The following ZNF385B variants were observed in gnomAD, a reference collection of about 807,000 sequenced individuals.
ZNF385B encodes zinc finger protein 533.
In ZNF385B, 23 loss-of-function variants were observed where a neutral mutation model predicts 39.2. The observed-to-expected ratio is 0.59, with a 90% CI of 0.42 to 0.83. The LOEUF is 0.83. ZNF385B is among the 40% of genes least tolerant of loss of function. ZNF385B has a pLI of 0.00. For missense variants in ZNF385B, 552 were observed against 598.9 expected, an observed-to-expected ratio of 0.92 and a Z score of 0.82; for synonymous variants, 205 against 222.6, an observed-to-expected ratio of 0.92 and a Z score of 0.70.
At chr2:179,789,413 C>A (rs1166990321) in intron 1 of ZNF385B, among the ~76,000 whole-genome samples, 2 of 152,084 alleles carry the variant, frequency 1.3e-5, no homozygotes, top group Non-Finnish European at 2.9e-5. Context: ...AGACTGTAGA[C>A]CAATTTCATG....
chr2:179,526,515 A>C (rs184186914), intron 4 of ZNF385B, among the ~76,000 whole-genome samples: 2,582 of 152,132 alleles, frequency 0.017, 68 homozygotes, highest in African/African-American at 0.059. Context: ...GAATCGCTTG[A>C]ACCCAGGAGG....
At position 179,586,813 on chromosome 2, in the gene ZNF385B, C is replaced by T. The variant is rs368009717; in HGVS notation, c.299-41844G>A. Among the ~76,000 whole-genome samples, 468 of 152,116 alleles carry T rather than the reference C, an allele frequency of 3.1e-3. 4 individuals carry two copies. The highest frequency in any genetic ancestry group is 0.011 in the African/African-American group (438 of 41,530). On this transcript the variant is annotated intron_variant, in intron 3 of 9. Transcript: ENST00000410066. ...CAGCACTCTGGGAGGCCGAGGCGGG[C>T]GGATCACGAGGTCAGGAGTTCGAGA...
chr2:179,475,143 A>G (rs1221371975), intron 6 of ZNF385B, among the ~76,000 whole-genome samples: 2 of 152,226 alleles, frequency 1.3e-5, no homozygotes, highest in East Asian at 3.8e-4. Context: ...TGACTTTCTC[A>G]GTAACATGAG....
chr2:179,826,431 G>A (rs1321390654), intron 1 of ZNF385B, among the ~76,000 whole-genome samples: 2 of 152,120 alleles, frequency 1.3e-5, no homozygotes, highest in African/African-American at 2.4e-5. Flanking sequence ...ACTCTCACTT[G>A]ATGACTGATT....
intron 4 of ZNF385B, among the ~76,000 whole-genome samples, chr2:179,525,776 A>G (rs2058846784): frequency 6.6e-6 from 1 of 152,198 alleles, no homozygotes; most frequent in Admixed American, 6.5e-5. Context: ...AACTTCAAAT[A>G]TTCATGAAAG....
In ZNF385B at chr2:179,442,731, G is replaced by C. The variant is rs1172692906; in HGVS notation, c.*519C>G. The C allele has an allele frequency of 5.1e-6, 1 of 196,180 alleles. No homozygotes were observed. The highest frequency in any genetic ancestry group is 1.1e-5 in the Non-Finnish European group (1 of 94,568). The allele number at this position is 196,180 out of a possible 1,614,324, so 12.2% of individuals were successfully genotyped here. A position where few individuals can be genotyped will look rare whatever the true frequency, so the allele number is the denominator to read the frequency against. On this transcript the variant is annotated 3_prime_UTR_variant, in exon 10 of 10. Transcript: ENST00000410066. ...CCTGTCAACAACAGTACACCAAAAAGAGAACTTTGTGATCCGTTGGTAAGA... is the reference window on the plus strand; with the variant it reads ...CCTGTCAACAACAGTACACCAAAAACAGAACTTTGTGATCCGTTGGTAAGA...
chr2:179,736,773 C>T (rs1701785838), intron 3 of ZNF385B, among the ~76,000 whole-genome samples: 1 of 152,058 alleles, frequency 6.6e-6, no homozygotes, highest in African/African-American at 2.4e-5. Flanking sequence ...AGTTCGAGAC[C>T]AGCCTGGGCA....
chr2:179,757,789 C>T (rs937523528), intron 3 of ZNF385B, among the ~76,000 whole-genome samples: 6 of 152,142 alleles, frequency 3.9e-5, no homozygotes, highest in African/African-American at 1.4e-4. Context: ...TCCTGGTGTG[C>T]CGTTTGCTAA....
At chr2:179,685,441 T>A (rs1697848150) in intron 3 of ZNF385B, among the ~76,000 whole-genome samples, 1 of 152,212 alleles carries the variant, frequency 6.6e-6, no homozygotes, top group African/African-American at 2.4e-5. Context: ...AATTGAGGTT[T>A]AATTTTTATC....
chr2:179,671,495 CAAG>C, intron 3 of ZNF385B, among the ~76,000 whole-genome samples: 2 of 152,190 alleles, frequency 1.3e-5, no homozygotes, highest in East Asian at 3.9e-4. Context: ...GATGATGATC[CAAG>C]AAGATGAGTC....
chr2:179,742,153 A>G (rs1027713909), intron 3 of ZNF385B, among the ~76,000 whole-genome samples: 4 of 152,098 alleles, frequency 2.6e-5, no homozygotes, highest in Non-Finnish European at 5.9e-5. Context: ...TAATTATAGA[A>G]GGCTTTCATT....
At chr2:179,838,380 C>T (rs1708364400) in intron 1 of ZNF385B, among the ~76,000 whole-genome samples, 1 of 152,198 alleles carries the variant, frequency 6.6e-6, no homozygotes, top group Non-Finnish European at 1.5e-5. Context: ...GCCTGCACAG[C>T]AAATGCTGCT....
intron 3 of ZNF385B, among the ~76,000 whole-genome samples, chr2:179,573,842 T>G (rs887751233): frequency 6.6e-6 from 1 of 152,168 alleles, no homozygotes; most frequent in Non-Finnish European, 1.5e-5. Flanking sequence ...GGATAAAGTC[T>G]TAATTTTTTT....
intron 3 of ZNF385B, among the ~76,000 whole-genome samples, chr2:179,643,795 G>A (rs1236902610): frequency 6.6e-6 from 1 of 151,884 alleles, no homozygotes; most frequent in Non-Finnish European, 1.5e-5. Context: ...TGACTGTGGT[G>A]GTAGTTTCAT....
At chr2:179,697,957 C>T (rs1029386698) in intron 3 of ZNF385B, among the ~76,000 whole-genome samples, 1 of 152,076 alleles carries the variant, frequency 6.6e-6, no homozygotes, top group Admixed American at 6.6e-5. Context: ...AACCAAACAC[C>T]GCATGTTCTC....
chr2:179,746,051 A>T, intron 3 of ZNF385B: 1 of 1,063,292 alleles, frequency 9.4e-7, no homozygotes, highest in African/African-American at 1.7e-5. Flanking sequence ...CTGTCAATGT[A>T]CAAGTCTGAG....
At chr2:179,629,801 C>T (rs1228950813) in intron 3 of ZNF385B, among the ~76,000 whole-genome samples, 3 of 152,210 alleles carry the variant, frequency 2.0e-5, no homozygotes, top group African/African-American at 7.2e-5. Flanking sequence ...AAAAACAGGA[C>T]ACTCCTGCCC....
intron 1 of ZNF385B, among the ~76,000 whole-genome samples, chr2:179,795,507 T>C (rs761804976): frequency 1.3e-5 from 2 of 152,310 alleles, no homozygotes; most frequent in Non-Finnish European, 1.5e-5. Context: ...CATTTTTATA[T>C]AATGAGATTA....
At chr2:179,673,032 G>A (rs1056921805) in intron 3 of ZNF385B, among the ~76,000 whole-genome samples, 2 of 152,166 alleles carry the variant, frequency 1.3e-5, no homozygotes. Flanking sequence ...ACAGCAAAGC[G>A]AGACGGCAAG....
Sources: gnomAD v4.1 joint callset for allele counts (sites outside exome capture counted in the v4.1 genomes callset) on GRCh38, gnomAD v4.1.1 for gene constraint, MANE v1.5 for transcripts, NCBI Gene and HGNC (gene_info 2026-07-23, HGNC 2026-07-21) for gene names.